The following USH2A variants were observed in gnomAD, a reference collection of about 807,000 sequenced individuals.
USH2A encodes the protein Usher syndrome 2A (autosomal recessive, mild).
A neutral mutation model predicts 538.9 loss-of-function variants in USH2A; 443 were observed. That is an observed-to-expected ratio of 0.82 (90% CI 0.76 to 0.89). USH2A has a LOEUF of 0.89. Among genes scored for constraint, USH2A ranks in the 40% least tolerant of loss-of-function variants. The pLI, the probability that USH2A is intolerant of heterozygous loss-of-function variation, is 0.00. For missense variants in USH2A, 6,633 were observed against 6,324.8 expected (o/e 1.05, Z -1.65); for synonymous variants, 2,413 against 2,273.5 (o/e 1.06, Z -1.75).
Position 215,911,267 on chromosome 1 carries a change from C to T in USH2A, c.7301-10362G>A, listed in dbSNP as rs1244419190. ...CGCTTAAGTTATTATTGACTATAAT[C>T]ACCTTATTGTGCTATCAAATAGTAG... On this transcript the variant is annotated intron_variant, in intron 38 of 71. Coordinates refer to ENST00000307340, the MANE Select transcript of USH2A (RefSeq NM_206933.4). Among the ~76,000 whole-genome samples the T allele has an allele frequency of 3.3e-5, 5 of 151,870 alleles. No individual in the cohort carries two copies. In the Admixed American group the frequency reaches 3.3e-4, roughly 10 times the overall value.
chr1:216,038,839 A>G (rs537944502), intron 32 of USH2A, among the ~76,000 whole-genome samples: 1 of 152,168 alleles, frequency 6.6e-6, no homozygotes, highest in East Asian at 1.9e-4. Flanking sequence ...TGAAGGACAT[A>G]TTCCGTTATC....
chr1:215,936,904 A>G (rs1219429502), intron 37 of USH2A, among the ~76,000 whole-genome samples: 1 of 152,140 alleles, frequency 6.6e-6, no homozygotes, highest in Non-Finnish European at 1.5e-5. Flanking sequence ...TCTGGTTATT[A>G]CTTGACTATT....
chr1:216,406,303 C>G (rs567374900), intron 3 of USH2A, among the ~76,000 whole-genome samples: 1 of 152,188 alleles, frequency 6.6e-6, no homozygotes, highest in African/African-American at 2.4e-5. Context: ...GTACATGGGA[C>G]TTCTGTATTA....
intron 53 of USH2A, 63 bp from the exon 54 acceptor site, chr1:215,782,259 C>T: frequency 1.3e-6 from 2 of 1,543,360 alleles, no homozygotes; most frequent in Non-Finnish European, 8.9e-7. Context: ...TTGCAAACAA[C>T]TTACAAATCT....
intron 4 of USH2A, among the ~76,000 whole-genome samples, chr1:216,356,168 T>G (rs1013143271): frequency 1.3e-5 from 2 of 152,090 alleles, no homozygotes; most frequent in African/African-American, 4.8e-5. Flanking sequence ...ATTATAGTAA[T>G]AATAATTGTA....
chr1:215,804,105 C>T (rs2102784027), intron 49 of USH2A, among the ~76,000 whole-genome samples: 1 of 151,796 alleles, frequency 6.6e-6, no homozygotes, highest in South Asian at 2.1e-4. Flanking sequence ...AACTGGATCC[C>T]TTCCTTACAC....
chr1:216,373,667 A>T (rs1027121857), intron 3 of USH2A, among the ~76,000 whole-genome samples: 2 of 152,136 alleles, frequency 1.3e-5, no homozygotes, highest in Non-Finnish European at 1.5e-5. Context: ...TATCATTACC[A>T]TTTTATCTTT....
At chr1:215,998,232 G>T (rs1339111653) in intron 34 of USH2A, among the ~76,000 whole-genome samples, 1 of 151,950 alleles carries the variant, frequency 6.6e-6, no homozygotes, top group Non-Finnish European at 1.5e-5. Context: ...ACTTAAAAAA[G>T]ATTATATTTC....
intron 21 of USH2A, among the ~76,000 whole-genome samples, chr1:216,171,958 A>T (rs1227140725): frequency 2.6e-5 from 4 of 152,072 alleles, no homozygotes; most frequent in Non-Finnish European, 5.9e-5. Context: ...TTAAAAGAAC[A>T]CTTGTATCAG....
intron 50 of USH2A, among the ~76,000 whole-genome samples, chr1:215,793,852 T>C (rs1379005029): frequency 2.6e-5 from 4 of 152,218 alleles, no homozygotes; most frequent in African/African-American, 7.2e-5. Context: ...AGTCATCTCA[T>C]GATCAGTTTC....
intron 38 of USH2A, among the ~76,000 whole-genome samples, chr1:215,906,521 G>A (rs533899957): frequency 1.3e-5 from 2 of 151,862 alleles, no homozygotes; most frequent in East Asian, 3.9e-4. Context: ...TATAGTGAAT[G>A]ATTTATAATA....
chr1:215,949,455 T>G (rs1666856170), intron 37 of USH2A, among the ~76,000 whole-genome samples: 1 of 151,932 alleles, frequency 6.6e-6, no homozygotes, highest in Non-Finnish European at 1.5e-5. Flanking sequence ...TGAAAAGAAC[T>G]AAGACCTTTT....
intron 52 of USH2A, among the ~76,000 whole-genome samples, chr1:215,785,005 G>A (rs1661754978): frequency 6.6e-6 from 1 of 152,148 alleles, no homozygotes; most frequent in Non-Finnish European, 1.5e-5. Context: ...AACTGGGACT[G>A]GGAACACAAT....
intron 37 of USH2A, among the ~76,000 whole-genome samples, chr1:215,953,867 G>GA (rs1316904535): frequency 1.3e-5 from 2 of 151,662 alleles, no homozygotes; most frequent in Admixed American, 6.6e-5. Context: ...AAATTTACAA[G>GA]AAAAAAACAA....
intron 4 of USH2A, among the ~76,000 whole-genome samples, chr1:216,334,144 T>C (rs985465876): frequency 2.0e-5 from 3 of 152,102 alleles, no homozygotes; most frequent in African/African-American, 7.2e-5. Context: ...GCAATAATTA[T>C]ATATCTGTGT....
At chr1:215,676,007 G>A (rs968834713) in intron 62 of USH2A, among the ~76,000 whole-genome samples, 3 of 152,152 alleles carry the variant, frequency 2.0e-5, no homozygotes, top group South Asian at 4.2e-4. Context: ...ATCTCATACT[G>A]ACTAAAGTAG....
intron 11 of USH2A, among the ~76,000 whole-genome samples, chr1:216,286,319 C>T (rs1416959182): frequency 6.6e-6 from 1 of 152,146 alleles, no homozygotes; most frequent in African/African-American, 2.4e-5. Context: ...TTTCCCTGTT[C>T]CTCACTCGGC....
intron 11 of USH2A, among the ~76,000 whole-genome samples, chr1:216,288,907 C>T (rs530136871): frequency 6.5e-4 from 99 of 152,254 alleles, no homozygotes; most frequent in African/African-American, 2.3e-3. Context: ...GTGTAAGTGA[C>T]TTTTGCTATA....
chr1:215,759,988 G>T, intron 56 of USH2A, 145 bp from the exon 57 acceptor site: 2 of 852,954 alleles, frequency 2.3e-6, no homozygotes, highest in Non-Finnish European at 1.8e-6. Flanking sequence ...ATACATAATT[G>T]GTGTAAATAT....
Sources: allele counts gnomAD v4.1 joint callset (sites outside exome capture counted in the v4.1 genomes callset), GRCh38; gene constraint gnomAD v4.1.1; transcripts MANE v1.5; gene names NCBI Gene and HGNC (gene_info 2026-07-23, HGNC 2026-07-21).